The following TMEM116 variants were observed in gnomAD, a reference collection of about 807,000 sequenced individuals.
TMEM116 encodes transmembrane protein 116.
A neutral mutation model predicts 44.3 loss-of-function variants in TMEM116; 38 were observed. The observed-to-expected ratio is 0.86, with a 90% CI of 0.66 to 1.12. TMEM116 has a LOEUF of 1.12. Ranked by LOEUF, TMEM116 falls within the 50% of genes most tolerant of loss-of-function variation. The pLI is 0.00. For synonymous variants in TMEM116, 132 were observed against 144.8 expected (o/e 0.91, Z 0.64); for missense variants, 354 against 401.7 (o/e 0.88, Z 1.01).
At chr12:111,986,535 C>T (rs1333489952) in intron 4 of TMEM116, among the ~76,000 whole-genome samples, 1 of 152,090 alleles carries the variant, frequency 6.6e-6, no homozygotes, top group Admixed American at 6.6e-5. Flanking sequence ...TGGGGCCAGG[C>T]ATGGTGGCTC....
chr12:111,947,685 T>C (rs1245479304), intron 4 of TMEM116, among the ~76,000 whole-genome samples: 1 of 152,218 alleles, frequency 6.6e-6, no homozygotes, highest in Admixed American at 6.5e-5. Context: ...TCCTCAGTTA[T>C]TGTTTTCATT....
intron 4 of TMEM116, among the ~76,000 whole-genome samples, chr12:111,985,301 C>G (rs570082405): frequency 6.6e-6 from 1 of 151,562 alleles, no homozygotes; most frequent in African/African-American, 2.4e-5. Flanking sequence ...CACACACACA[C>G]GCAACTGTTC....
chr12:111,983,933 T>TG (rs1468501153), intron 4 of TMEM116, among the ~76,000 whole-genome samples: 18 of 151,940 alleles, frequency 1.2e-4, no homozygotes, highest in African/African-American at 4.1e-4. Flanking sequence ...AACAAAATAG[T>TG]AGCAAACAAA....
At chr12:111,960,320 C>T (rs913013111) in intron 4 of TMEM116, among the ~76,000 whole-genome samples, 12 of 151,436 alleles carry the variant, frequency 7.9e-5, no homozygotes, top group African/African-American at 2.9e-4. Flanking sequence ...AAAACTCCAT[C>T]TCTACTAAAA....
chr12:111,999,375 A>G (rs954416984), intron 3 of TMEM116, among the ~76,000 whole-genome samples: 4 of 152,168 alleles, frequency 2.6e-5, no homozygotes, highest in Non-Finnish European at 4.4e-5. Flanking sequence ...AGGCGGGTGG[A>G]TCACGAGGTC....
intron 4 of TMEM116, among the ~76,000 whole-genome samples, chr12:111,958,762 A>G (rs1218599681): frequency 6.6e-6 from 1 of 152,206 alleles, no homozygotes; most frequent in Non-Finnish European, 1.5e-5. Context: ...TTGAAGATCA[A>G]CTGAATGAAA....
At chr12:111,988,683 G>A (rs2076367744) in intron 4 of TMEM116, among the ~76,000 whole-genome samples, 2 of 134,260 alleles carry the variant, frequency 1.5e-5, no homozygotes, top group African/African-American at 5.7e-5. Context: ...TGGTGACAGA[G>A]TGAGACTCCA....
intron 4 of TMEM116, among the ~76,000 whole-genome samples, chr12:111,951,476 CCATA>C (rs1241020483): frequency 3.9e-5 from 6 of 152,140 alleles, no homozygotes; most frequent in African/African-American, 1.4e-4. Flanking sequence ...TCATGGAATA[CCATA>C]CAGTCATAAA....
intron 4 of TMEM116, among the ~76,000 whole-genome samples, chr12:111,966,093 G>A (rs1438136423): frequency 6.6e-6 from 1 of 152,128 alleles, no homozygotes; most frequent in Admixed American, 6.6e-5. Context: ...ATCACCTGAG[G>A]TCAGGAGTTT....
At chr12:111,943,470 C>T in intron 4 of TMEM116, 101 bp from the exon 5 acceptor site, 1 of 822,206 alleles carries the variant, frequency 1.2e-6, no homozygotes, top group African/African-American at 1.7e-5. Context: ...ATCCTACCTA[C>T]TAGTCTATTA....
At chr12:111,947,533 A>G (rs1013412629) in intron 4 of TMEM116, among the ~76,000 whole-genome samples, 21 of 152,210 alleles carry the variant, frequency 1.4e-4, no homozygotes, top group African/African-American at 5.1e-4. Flanking sequence ...CCAAAATTGT[A>G]CAAAACTCTT....
intron 4 of TMEM116, among the ~76,000 whole-genome samples, chr12:111,954,651 G>A (rs771922731): frequency 1.6e-4 from 24 of 152,288 alleles, no homozygotes; most frequent in Middle Eastern, 3.4e-3. Context: ...AGGTCCGATC[G>A]ACTGCAAACT....
At chr12:111,940,567 G>A (rs7967238) in intron 5 of TMEM116, among the ~76,000 whole-genome samples, 24,800 of 128,898 alleles carry the variant, frequency 0.19, 3,021 homozygotes, top group East Asian at 0.33. Context: ...ATATATGTGT[G>A]TATATATATA....
intron 4 of TMEM116, among the ~76,000 whole-genome samples, chr12:111,967,006 AG>A (rs1347370094): frequency 6.6e-6 from 1 of 152,206 alleles, no homozygotes; most frequent in Admixed American, 6.5e-5. Flanking sequence ...TTTCAAGACT[AG>A]GAAGAAACAA....
At chr12:111,933,620 C>T (rs528699816) in intron 9 of TMEM116, among the ~76,000 whole-genome samples, 1 of 151,220 alleles carries the variant, frequency 6.6e-6, no homozygotes, top group Non-Finnish European at 1.5e-5. Flanking sequence ...TCCCAAGTAG[C>T]TGGGACTATA....
intron 8 of TMEM116, chr12:111,935,995 A>G (rs2072129694): frequency 6.6e-6 from 1 of 152,156 alleles, no homozygotes; most frequent in African/African-American, 2.4e-5. Context: ...ATTCCCCATA[A>G]CTGTATCTAG....
chr12:111,956,083 C>T (rs1055393934), intron 4 of TMEM116, among the ~76,000 whole-genome samples: 1 of 152,182 alleles, frequency 6.6e-6, no homozygotes, highest in African/African-American at 2.4e-5. Context: ...TAAAAACTAG[C>T]TATGGGCAAA....
chr12:111,962,031 CAGAG>C (rs1593409398), intron 4 of TMEM116, among the ~76,000 whole-genome samples: 1 of 151,036 alleles, frequency 6.6e-6, no homozygotes, highest in Admixed American at 6.6e-5. Context: ...CAACAGCAGA[CAGAG>C]AGCCAAAGCA....
At chr12:111,946,601 C>A (rs1175865090) in intron 4 of TMEM116, among the ~76,000 whole-genome samples, 2 of 152,204 alleles carry the variant, frequency 1.3e-5, no homozygotes, top group African/African-American at 4.8e-5. Flanking sequence ...AAACCCACAA[C>A]CTTCAGCGTG....
Sources: allele counts gnomAD v4.1 joint callset (sites outside exome capture counted in the v4.1 genomes callset), GRCh38; gene constraint gnomAD v4.1.1; transcripts MANE v1.5; gene names NCBI Gene and HGNC (gene_info 2026-07-23, HGNC 2026-07-21).